Variants in RBFOX1 observed in about 807,000 individuals in gnomAD.
RBFOX1 encodes the protein RNA binding fox-1 homolog 1, also known as RNA binding protein fox-1 homolog 1.
In RBFOX1, 8 loss-of-function variants were observed where a neutral mutation model predicts 57.7. That is an observed-to-expected ratio of 0.14 (90% CI 0.08 to 0.25). The LOEUF is 0.25. RBFOX1 is among the 10% of genes least tolerant of loss of function. The probability of loss-of-function intolerance (pLI) is 1.00; values close to 1 mark genes in which losing one functional copy is unlikely to be tolerated. For missense variants in RBFOX1, 611 were observed against 548.5 expected, an observed-to-expected ratio of 1.11 and a Z score of -1.14; for synonymous variants, 326 against 222.4, an observed-to-expected ratio of 1.47 and a Z score of -4.15.
At chr16:7,282,904 G>A (rs1247324395) in intron 4 of RBFOX1, among the ~76,000 whole-genome samples, 3 of 152,142 alleles carry the variant, frequency 2.0e-5, no homozygotes, top group African/African-American at 2.4e-5. Flanking sequence ...CTGCAACTGC[G>A]ATTAATTCAT....
intron 1 of RBFOX1, among the ~76,000 whole-genome samples, chr16:6,059,632 T>G (rs2095658569): frequency 6.6e-6 from 1 of 152,148 alleles, no homozygotes; most frequent in African/African-American, 2.4e-5. Context: ...TTTTTGACAC[T>G]TGAGGTTATT....
At chr16:7,396,591 C>G (rs756413200) in intron 4 of RBFOX1, among the ~76,000 whole-genome samples, 1 of 152,136 alleles carries the variant, frequency 6.6e-6, no homozygotes, top group Non-Finnish European at 1.5e-5. Context: ...ACTTTAAGCT[C>G]AGTTTGTACC....
chr16:6,930,299 C>G (rs1016590363), intron 3 of RBFOX1, among the ~76,000 whole-genome samples: 5 of 152,158 alleles, frequency 3.3e-5, no homozygotes, highest in Non-Finnish European at 7.3e-5. Context: ...AAGATATATA[C>G]AAATGGCCAA....
At chr16:7,379,884 G>A (rs914501902) in intron 4 of RBFOX1, among the ~76,000 whole-genome samples, 15 of 150,802 alleles carry the variant, frequency 9.9e-5, no homozygotes, top group Non-Finnish European at 1.9e-4. Context: ...ATAGAGTCTT[G>A]CCTTTATCAC....
chr16:7,437,147 G>A (rs888688519), intron 4 of RBFOX1, among the ~76,000 whole-genome samples: 1 of 151,986 alleles, frequency 6.6e-6, no homozygotes. Context: ...TTTGCCATAG[G>A]ATCGTTTAAT....
chr16:7,407,406 A>G (rs58972357), intron 4 of RBFOX1, among the ~76,000 whole-genome samples: 10,205 of 132,456 alleles, frequency 0.077, 493 homozygotes, highest in East Asian at 0.29. Flanking sequence ...GTGTGTGTGT[A>G]TGTGTGTGGT....
chr16:7,549,128 A>C (rs148339864), intron 5 of RBFOX1, among the ~76,000 whole-genome samples: 1 of 152,342 alleles, frequency 6.6e-6, no homozygotes, highest in Non-Finnish European at 1.5e-5. Flanking sequence ...AAACAGTGGA[A>C]GGCAGAGGTT....
chr16:7,050,185 C>G (rs1305402319), intron 3 of RBFOX1, among the ~76,000 whole-genome samples: 1 of 149,338 alleles, frequency 6.7e-6, no homozygotes, highest in Non-Finnish European at 1.5e-5. Flanking sequence ...TAGAATTGTA[C>G]CAGTTTCTTT....
chr16:7,097,464 G>A (rs2061898067), intron 4 of RBFOX1, among the ~76,000 whole-genome samples: 1 of 152,150 alleles, frequency 6.6e-6, no homozygotes, highest in African/African-American at 2.4e-5. Flanking sequence ...GAACCCTACA[G>A]AGGAGGACAG....
chr16:7,163,088 G>T (rs185038974), intron 4 of RBFOX1, among the ~76,000 whole-genome samples: 1 of 152,250 alleles, frequency 6.6e-6, no homozygotes, highest in African/African-American at 2.4e-5. Context: ...GCACAGTAGG[G>T]CACCCATAAA....
chr16:6,137,213 T>C (rs1249815970), intron 1 of RBFOX1, among the ~76,000 whole-genome samples: 2 of 152,248 alleles, frequency 1.3e-5, no homozygotes, highest in African/African-American at 4.8e-5. Flanking sequence ...TGGTGGTAAG[T>C]TGATAAAGAT....
intron 4 of RBFOX1, among the ~76,000 whole-genome samples, chr16:7,252,250 G>C (rs9940915): frequency 1.4e-4 from 21 of 152,150 alleles, no homozygotes; most frequent in African/African-American, 5.1e-4. Flanking sequence ...TCATTTATTC[G>C]TTCATTCAAA....
chr16:6,030,658 C>G (rs955873919), intron 1 of RBFOX1, among the ~76,000 whole-genome samples: 1 of 152,052 alleles, frequency 6.6e-6, no homozygotes, highest in South Asian at 2.1e-4. Context: ...TTTAAAACAC[C>G]AGGAACCCTG....
chr16:7,011,633 C>T (rs1244609846), intron 3 of RBFOX1, among the ~76,000 whole-genome samples: 1 of 152,160 alleles, frequency 6.6e-6, no homozygotes, highest in African/African-American at 2.4e-5. Context: ...CCAGCCTCAG[C>T]CTTCAAAGTA....
At chr16:7,094,278 A>G (rs537781221) in intron 4 of RBFOX1, among the ~76,000 whole-genome samples, 1 of 152,282 alleles carries the variant, frequency 6.6e-6, no homozygotes, top group Non-Finnish European at 1.5e-5. Context: ...AATACCAACA[A>G]GATAATTTCG....
At chr16:7,084,619 G>A (rs1353835173) in intron 4 of RBFOX1, among the ~76,000 whole-genome samples, 1 of 152,136 alleles carries the variant, frequency 6.6e-6, no homozygotes, top group Non-Finnish European at 1.5e-5. Context: ...TTTCAGAGGT[G>A]GTGATACATT....
intron 3 of RBFOX1, among the ~76,000 whole-genome samples, chr16:7,046,237 G>GGTGTGTGT (rs34943266): frequency 0.022 from 3,175 of 146,670 alleles, 54 homozygotes; most frequent in East Asian, 0.096. Flanking sequence ...TAGGTAAAGG[G>GGTGTGTGT]GTGTGTGTGT....
chr16:6,823,175 GAGCC>G (rs1365107766), intron 3 of RBFOX1, among the ~76,000 whole-genome samples: 1 of 152,034 alleles, frequency 6.6e-6, no homozygotes, highest in African/African-American at 2.4e-5. Flanking sequence ...AGTGATTAGG[GAGCC>G]TGTGTTCCTT....
At chr16:5,825,518 T>A (rs1202416830) in intron 3 of RBFOX1, among the ~76,000 whole-genome samples, 1 of 152,228 alleles carries the variant, frequency 6.6e-6, no homozygotes, top group Non-Finnish European at 1.5e-5. Flanking sequence ...TAAACTTGGA[T>A]GGAAAAAATT....
Sources: allele counts gnomAD v4.1 joint callset (sites outside exome capture counted in the v4.1 genomes callset), GRCh38; gene constraint gnomAD v4.1.1; transcripts MANE v1.5; gene names NCBI Gene and HGNC (gene_info 2026-07-23, HGNC 2026-07-21).